MACROD2: variants seen among roughly 807,000 people sequenced by gnomAD.
MACROD2 encodes the protein ADP-ribose glycohydrolase MACROD2.
Under a neutral mutation model 70.4 loss-of-function variants are expected in MACROD2, and 36 were observed. The observed-to-expected ratio is 0.51, with a 90% CI of 0.39 to 0.68. MACROD2 has a LOEUF of 0.68. Among genes scored for constraint, MACROD2 ranks in the 30% least tolerant of loss-of-function variants. MACROD2 has a pLI of 0.00. For missense variants in MACROD2, 496 were observed against 538.4 expected, an observed-to-expected ratio of 0.92 and a Z score of 0.78; for synonymous variants, 172 against 178.8, an observed-to-expected ratio of 0.96 and a Z score of 0.30.
chr20:14,128,055 A>T, intron 3 of MACROD2: 1 of 563,692 alleles, frequency 1.8e-6, no homozygotes, highest in Admixed American at 1.9e-5. Context: ...TTGTAACCTG[A>T]AACCTACAAT....
intron 8 of MACROD2, among the ~76,000 whole-genome samples, chr20:15,800,289 T>C (rs145674209): frequency 4.6e-5 from 7 of 151,380 alleles, no homozygotes; most frequent in Non-Finnish European, 8.8e-5. Context: ...TTTAATTTAA[T>C]ATGGTCCCAT....
chr20:14,801,266 G>A (rs984215346), intron 5 of MACROD2, among the ~76,000 whole-genome samples: 1 of 152,104 alleles, frequency 6.6e-6, no homozygotes, highest in African/African-American at 2.4e-5. Flanking sequence ...CAGTGACAGC[G>A]TGCTTCTCTA....
intron 3 of MACROD2, among the ~76,000 whole-genome samples, chr20:14,480,922 T>C (rs2084656396): frequency 6.6e-6 from 1 of 152,142 alleles, no homozygotes; most frequent in Non-Finnish European, 1.5e-5. Context: ...CATTTTACTA[T>C]ATATTAATAG....
At chr20:15,957,776 C>A (rs6074980) in intron 12 of MACROD2, among the ~76,000 whole-genome samples, 3 of 152,060 alleles carry the variant, frequency 2.0e-5, no homozygotes, top group African/African-American at 7.2e-5. Flanking sequence ...TCTCCCAACA[C>A]GGTGGCCATC....
intron 5 of MACROD2, among the ~76,000 whole-genome samples, chr20:14,897,694 C>A (rs2073846962): frequency 6.6e-6 from 1 of 152,072 alleles, no homozygotes; most frequent in African/African-American, 2.4e-5. Flanking sequence ...AAGCATGAAT[C>A]AGGTTCCATA....
intron 3 of MACROD2, among the ~76,000 whole-genome samples, chr20:14,308,189 A>G (rs1297243752): frequency 1.3e-5 from 2 of 152,126 alleles, no homozygotes; most frequent in Non-Finnish European, 2.9e-5. Context: ...GAACATAATG[A>G]TGGCATTTAT....
At chr20:14,788,260 T>C (rs74695489) in intron 5 of MACROD2, among the ~76,000 whole-genome samples, 3,615 of 152,110 alleles carry the variant, frequency 0.024, 79 homozygotes, top group Non-Finnish European at 0.039. Context: ...AAGCAGTGTA[T>C]GCAGAAACTT....
chr20:16,009,733 C>T (rs1042262103), intron 15 of MACROD2, among the ~76,000 whole-genome samples: 6 of 151,408 alleles, frequency 4.0e-5, no homozygotes, highest in East Asian at 3.9e-4. Context: ...CTCCAGCCTG[C>T]GCGATAAGAG....
At chr20:15,632,642 T>C (rs2049307859) in intron 8 of MACROD2, among the ~76,000 whole-genome samples, 1 of 152,188 alleles carries the variant, frequency 6.6e-6, no homozygotes, top group Non-Finnish European at 1.5e-5. Context: ...AGCAAAGAAC[T>C]CTATCATAAG....
At chr20:15,574,882 G>A (rs930899414) in intron 8 of MACROD2, among the ~76,000 whole-genome samples, 9 of 152,098 alleles carry the variant, frequency 5.9e-5, no homozygotes, top group African/African-American at 2.4e-5. Flanking sequence ...ATTTAACAAG[G>A]TCATGTATGA....
rs529253093 is a variant in MACROD2, at chr20:15,338,162, G to A, written c.541-93243G>A. On this transcript the variant is annotated intron_variant, in intron 6 of 17. Transcript: ENST00000684519. ...TCTGCCTCTCTCTTCTCTTCTCCTC[G>A]CTAAACACAGACACAAACCCCAATT... Among the ~76,000 whole-genome samples, 5 of 151,252 alleles carry A rather than the reference G, an allele frequency of 3.3e-5. No individual in the cohort carries two copies. The South Asian group carries it at 6.2e-4, about 19-fold the overall frequency.
chr20:15,969,775 A>G (rs547044333), intron 13 of MACROD2, among the ~76,000 whole-genome samples: 1 of 152,260 alleles, frequency 6.6e-6, no homozygotes, highest in South Asian at 2.1e-4. Flanking sequence ...GGGCAGAAGC[A>G]ATAGTTGAAG....
At chr20:15,152,472 T>TGGGGGCACAGAGA (rs2076277599) in intron 5 of MACROD2, among the ~76,000 whole-genome samples, 1 of 150,502 alleles carries the variant, frequency 6.6e-6, no homozygotes, top group African/African-American at 2.5e-5. Context: ...AAATAAGGGA[T>TGGGGGCACAGAGA]TGGGGCACAG....
rs139765046 is a variant in MACROD2, at chr20:14,572,836, A to G, written c.301+79328A>G. ...TACTTATGATCAGTGCTAATATATAATACTCCAATAAAATATTTAAAGATA... is the reference window on the plus strand; with the variant it reads ...TACTTATGATCAGTGCTAATATATAGTACTCCAATAAAATATTTAAAGATA... On this transcript the variant is annotated intron_variant, in intron 4 of 17. Transcript: ENST00000684519. 5.5e-3 allele frequency among the ~76,000 whole-genome samples: 834 copies of G among 151,440 alleles called. 9 individuals are homozygous for G. The highest frequency in any genetic ancestry group is 0.019 in the African/African-American group (780 of 41,372).
chr20:14,119,159 A>ATTTTTT (rs1181793101), intron 3 of MACROD2, among the ~76,000 whole-genome samples: 7 of 56,764 alleles, frequency 1.2e-4, no homozygotes, highest in South Asian at 9.0e-4. Flanking sequence ...AATGACTGTG[A>ATTTTTT]TTTTTTTTTT....
At chr20:14,272,675 C>T (rs1189623010) in intron 3 of MACROD2, among the ~76,000 whole-genome samples, 144 of 150,944 alleles carry the variant, frequency 9.5e-4, no homozygotes, top group African/African-American at 3.4e-3. Flanking sequence ...GGACTAAATG[C>T]TCCAATTAAA....
At chr20:14,487,691 A>G (rs2084751164) in intron 3 of MACROD2, among the ~76,000 whole-genome samples, 3 of 152,224 alleles carry the variant, frequency 2.0e-5, no homozygotes, top group Admixed American at 6.5e-5. Context: ...GATATCAATG[A>G]ATATGGCCTC....
intron 3 of MACROD2, among the ~76,000 whole-genome samples, chr20:14,238,385 C>G (rs1251664631): frequency 6.6e-6 from 1 of 152,078 alleles, no homozygotes; most frequent in Non-Finnish European, 1.5e-5. Context: ...ACTCAACACA[C>G]CAGGCGTTGA....
chr20:15,384,603 C>T (rs183661664), intron 6 of MACROD2, among the ~76,000 whole-genome samples: 1 of 152,262 alleles, frequency 6.6e-6, no homozygotes, highest in East Asian at 1.9e-4. Context: ...ATTCTTGTAA[C>T]CAATAAACAT....
Sources: allele counts gnomAD v4.1 joint callset (sites outside exome capture counted in the v4.1 genomes callset), GRCh38; gene constraint gnomAD v4.1.1; transcripts MANE v1.5; gene names NCBI Gene and HGNC (gene_info 2026-07-23, HGNC 2026-07-21).